Variants in ARHGEF3 observed in about 807,000 individuals in gnomAD.
ARHGEF3 encodes 59.8 kDA protein.
In ARHGEF3, 28 loss-of-function variants were observed where a neutral mutation model predicts 63.2. The ratio of observed to expected loss-of-function variants is 0.44; its 90% CI spans 0.33 to 0.61. ARHGEF3 has a LOEUF of 0.61. ARHGEF3 is among the 20% of genes least tolerant of loss of function. The probability of loss-of-function intolerance (pLI) is 0.03; values close to 1 mark genes in which losing one functional copy is unlikely to be tolerated. For missense variants in ARHGEF3, 533 were observed against 659.3 expected (o/e 0.81, Z 2.10); for synonymous variants, 266 against 254.2 (o/e 1.05, Z -0.44).
At chr3:56,938,326 C>T (rs1156772355) in intron 3 of ARHGEF3, among the ~76,000 whole-genome samples, 1 of 151,668 alleles carries the variant, frequency 6.6e-6, no homozygotes, top group Non-Finnish European at 1.5e-5. Context: ...TAAAATGGGC[C>T]CCATGCAATC....
At chr3:56,756,931 C>A (rs945540727) in intron 2 of ARHGEF3, among the ~76,000 whole-genome samples, 2 of 152,172 alleles carry the variant, frequency 1.3e-5, no homozygotes, top group African/African-American at 4.8e-5. Flanking sequence ...ATTCTCCCAT[C>A]CTCCTCCCCC....
intron 4 of ARHGEF3, among the ~76,000 whole-genome samples, chr3:56,809,390 A>G (rs1298327777): frequency 6.6e-6 from 1 of 152,158 alleles, no homozygotes; most frequent in Non-Finnish European, 1.5e-5. Context: ...CTTTGCCACT[A>G]TATTTGTTTT....
Position 56,758,053 on chromosome 3 carries a change from G to A in ARHGEF3, c.205-2902C>T, listed in dbSNP as rs562574422. ...AGCACTTTGGGAGGCTGAGGCGGGC[G>A]GATCACCTGAGGTCAGGAGTTCAAG... On this transcript the variant is annotated intron_variant, in intron 2 of 9. Transcript: ENST00000296315. Among the ~76,000 whole-genome samples, 44 of 151,348 alleles carry A rather than the reference G, an allele frequency of 2.9e-4. 1 individual carries two copies. The South Asian group carries it at 8.5e-3, about 29-fold the overall frequency.
At chr3:56,746,280 A>G (rs996371992) in intron 6 of ARHGEF3, among the ~76,000 whole-genome samples, 4 of 152,348 alleles carry the variant, frequency 2.6e-5, no homozygotes, top group African/African-American at 7.2e-5. Context: ...TCAGTGCAAG[A>G]CACTGGCAAA....
At chr3:56,959,929 G>A (rs1700208548) in intron 2 of ARHGEF3, among the ~76,000 whole-genome samples, 1 of 152,208 alleles carries the variant, frequency 6.6e-6, no homozygotes, top group Non-Finnish European at 1.5e-5. Flanking sequence ...GGTGAGCCGA[G>A]ATTGCACCAC....
intron 2 of ARHGEF3, among the ~76,000 whole-genome samples, chr3:57,028,918 A>C (rs1267237655): frequency 6.6e-6 from 1 of 151,712 alleles, no homozygotes; most frequent in Non-Finnish European, 1.5e-5. Context: ...ACTTTGCAGC[A>C]AATCTTCCAA....
intron 3 of ARHGEF3, among the ~76,000 whole-genome samples, chr3:56,930,347 A>T (rs1348907151): frequency 6.6e-6 from 1 of 152,188 alleles, no homozygotes; most frequent in Non-Finnish European, 1.5e-5. Context: ...CAACAGGTGA[A>T]AATGTTTTGA....
At chr3:56,774,614 C>T (rs1243884360) in intron 1 of ARHGEF3, among the ~76,000 whole-genome samples, 1 of 152,142 alleles carries the variant, frequency 6.6e-6, no homozygotes, top group Non-Finnish European at 1.5e-5. Context: ...ATAAAAATAA[C>T]AGCCTGGCCA....
At chr3:56,930,819 T>C (rs2042391817) in intron 3 of ARHGEF3, among the ~76,000 whole-genome samples, 1 of 152,192 alleles carries the variant, frequency 6.6e-6, no homozygotes, top group East Asian at 1.9e-4. Flanking sequence ...CCACGCTCCA[T>C]GGAGGGCATT....
chr3:56,986,062 G>A (rs1429630597), intron 2 of ARHGEF3, among the ~76,000 whole-genome samples: 1 of 152,190 alleles, frequency 6.6e-6, no homozygotes, highest in Admixed American at 6.5e-5. Flanking sequence ...CACTCTGCCA[G>A]ATGCAACTTA....
intron 3 of ARHGEF3, among the ~76,000 whole-genome samples, chr3:56,897,564 T>A (rs1357370497): frequency 2.6e-5 from 4 of 151,138 alleles, no homozygotes; most frequent in Non-Finnish European, 5.9e-5. Flanking sequence ...TCTATATGTA[T>A]CTTTTTTTTT....
At chr3:56,793,425 G>A (rs1042586757) in intron 1 of ARHGEF3, among the ~76,000 whole-genome samples, 2 of 151,494 alleles carry the variant, frequency 1.3e-5, no homozygotes, top group African/African-American at 4.9e-5. Context: ...CGCCTCGGCT[G>A]CCCAAAGTGC....
chr3:57,000,745 C>T (rs2107018829), intron 2 of ARHGEF3, among the ~76,000 whole-genome samples: 1 of 152,190 alleles, frequency 6.6e-6, no homozygotes, highest in African/African-American at 2.4e-5. Context: ...GTTGGCCAGG[C>T]TGGTCTCGAA....
At chr3:56,775,461 T>C in intron 1 of ARHGEF3, 1 of 1,002,234 alleles carries the variant, frequency 1.0e-6, no homozygotes. Flanking sequence ...TTAAATACTT[T>C]TCCAAGACGG....
At chr3:57,049,912 G>T (rs1039420384) in intron 1 of ARHGEF3, among the ~76,000 whole-genome samples, 2 of 152,224 alleles carry the variant, frequency 1.3e-5, no homozygotes, top group Non-Finnish European at 2.9e-5. Context: ...TACAGATGAG[G>T]ATAGTGAGGG....
At chr3:56,865,749 G>A (rs1207764911) in intron 4 of ARHGEF3, among the ~76,000 whole-genome samples, 1 of 152,058 alleles carries the variant, frequency 6.6e-6, no homozygotes, top group Admixed American at 6.5e-5. Flanking sequence ...GGGGCTCTTG[G>A]GAAGTGTGTA....
At chr3:56,733,909 A>G (rs1049477621) in intron 8 of ARHGEF3, among the ~76,000 whole-genome samples, 9 of 145,600 alleles carry the variant, frequency 6.2e-5, no homozygotes, top group African/African-American at 2.0e-4. Context: ...GCTTGAACCC[A>G]GGAGGTGGAG....
rs1470903861 is a variant in ARHGEF3, at chr3:57,001,932, TTTTTG to T, written c.62+33151_62+33155del. Among the ~76,000 whole-genome samples the T allele has an allele frequency of 2.9e-5, 4 of 138,682 alleles. 1 individual carries two copies. Among genetic ancestry groups the T allele is most frequent in the African/African-American group, 5.3e-5 (2 of 37,674 alleles). 91.0% of individuals were successfully genotyped at this position (138,682 alleles called of 152,430 possible). ...GTGAGATAGTTTTTTTTTTTTTTGTTTTTTGTTTTGAGACGGAGTCTCACTCTGTT... is the reference window on the plus strand; with the variant it reads ...GTGAGATAGTTTTTTTTTTTTTTGTTTTTTGAGACGGAGTCTCACTCTGTT... On this transcript the variant is annotated intron_variant, in intron 2 of 12. Transcript: ENST00000338458.
At chr3:56,879,117 T>C (rs2040686067) in intron 4 of ARHGEF3, among the ~76,000 whole-genome samples, 1 of 152,232 alleles carries the variant, frequency 6.6e-6, no homozygotes, top group Admixed American at 6.5e-5. Flanking sequence ...TACATTATCA[T>C]GAGTTGTGTA....
Sources: allele counts gnomAD v4.1 joint callset (sites outside exome capture counted in the v4.1 genomes callset), GRCh38; gene constraint gnomAD v4.1.1; transcripts MANE v1.5; gene names NCBI Gene and HGNC (gene_info 2026-07-23, HGNC 2026-07-21).